Variants in SLCO1B3 observed in about 807,000 individuals in gnomAD.
The protein encoded by SLCO1B3 is solute carrier organic anion transporter family member 1B3.
In SLCO1B3, 72 loss-of-function variants were observed where a neutral mutation model predicts 71.8. The observed-to-expected ratio is 1.00, with a 90% confidence interval of 0.83 to 1.22. The LOEUF (loss-of-function observed/expected upper bound fraction) is 1.22. Among genes scored for constraint, SLCO1B3 ranks in the 50% most tolerant of loss-of-function variants. The pLI is 0.00. For synonymous variants in SLCO1B3, 298 were observed against 278.4 expected (o/e 1.07, Z -0.70); for missense variants, 911 against 819.7 (o/e 1.11, Z -1.36).
At chr12:20,830,606 G>A (rs1409633895) in intron 3 of SLCO1B3, among the ~76,000 whole-genome samples, 3 of 152,094 alleles carry the variant, frequency 2.0e-5, no homozygotes, top group South Asian at 2.1e-4. Context: ...AGAAAAAGCC[G>A]CTTTTGGTGA....
chr12:20,827,628 G>A (rs966712698), intron 3 of SLCO1B3, among the ~76,000 whole-genome samples: 5 of 151,882 alleles, frequency 3.3e-5, no homozygotes, highest in African/African-American at 9.7e-5. Context: ...CTGGAGTGCA[G>A]TGGCATGATC....
intron 8 of SLCO1B3, among the ~76,000 whole-genome samples, chr12:20,866,237 G>A (rs113343598): frequency 5.3e-5 from 8 of 152,186 alleles, no homozygotes; most frequent in African/African-American, 1.9e-4. Flanking sequence ...GAGCTCTGCA[G>A]CTGGCCACTG....
rs116104424 is a variant in SLCO1B3 at position 20,915,740 on chromosome 12, G to T, written c.1866-264G>T. Among the ~76,000 whole-genome samples the T allele has an allele frequency of 3.2e-3, 483 of 152,234 alleles. 6 individuals carry two copies. The highest frequency in any genetic ancestry group is 0.011 in the African/African-American group (465 of 41,552). ...CCTTAGGTAGAATGAGATGGCTTGA[G>T]GGGGCTGGAGTTATGTATTTTCCTC... On this transcript the variant is annotated intron_variant, in intron 15 of 15. Transcript: ENST00000381545.
chr12:20,813,687 A>G (rs1482156507), intron 2 of SLCO1B3, 49 bp downstream of exon 2: 3 of 152,178 alleles, frequency 2.0e-5, no homozygotes, highest in African/African-American at 2.4e-5. Context: ...CACTAATTCA[A>G]TGTTAATGAA....
intron 15 of SLCO1B3, chr12:20,901,873 A>T (rs970310959): frequency 2.3e-6 from 1 of 435,880 alleles, no homozygotes; most frequent in African/African-American, 2.1e-5. Context: ...ATGGAAAAAC[A>T]AAGTTTCATT....
chr12:20,886,042 T>G (rs1030204753), intron 13 of SLCO1B3, among the ~76,000 whole-genome samples: 1 of 152,094 alleles, frequency 6.6e-6, no homozygotes, highest in African/African-American at 2.4e-5. Context: ...GCTTCATTCT[T>G]TGTTTTGTTT....
intron 3 of SLCO1B3, among the ~76,000 whole-genome samples, chr12:20,851,055 T>C (rs940762485): frequency 3.9e-5 from 6 of 152,216 alleles, no homozygotes; most frequent in Non-Finnish European, 7.3e-5. Flanking sequence ...CATATTTTAT[T>C]TATCTATTCA....
intron 8 of SLCO1B3, among the ~76,000 whole-genome samples, chr12:20,868,213 C>T (rs1263681169): frequency 6.6e-6 from 1 of 152,162 alleles, no homozygotes; most frequent in African/African-American, 2.4e-5. Context: ...AACATCCCTT[C>T]ATAATAAAAG....
At chr12:20,878,959 A>G (rs1406971283) in intron 10 of SLCO1B3, among the ~76,000 whole-genome samples, 1 of 152,154 alleles carries the variant, frequency 6.6e-6, no homozygotes, top group Non-Finnish European at 1.5e-5. Flanking sequence ...TGAGAAATGT[A>G]TAAAGGATTT....
chr12:20,826,681 G>GAA (rs59247806), intron 3 of SLCO1B3, among the ~76,000 whole-genome samples: 21 of 148,690 alleles, frequency 1.4e-4, no homozygotes, highest in Admixed American at 2.7e-4. Flanking sequence ...AGTCATTTTA[G>GAA]AAAAAAAAAA....
intron 8 of SLCO1B3, among the ~76,000 whole-genome samples, chr12:20,869,300 C>G (rs1865434405): frequency 6.6e-6 from 1 of 152,228 alleles, no homozygotes. Context: ...GTGGGCATAA[C>G]AGAAGGCTCG....
intron 8 of SLCO1B3, among the ~76,000 whole-genome samples, chr12:20,873,395 TA>T (rs1264897787): frequency 5.3e-5 from 8 of 152,116 alleles, no homozygotes; most frequent in Non-Finnish European, 1.2e-4. Flanking sequence ...TGCACTAACC[TA>T]GGGGGCAGGA....
intron 15 of SLCO1B3, among the ~76,000 whole-genome samples, chr12:20,903,346 A>G (rs946204467): frequency 1.3e-5 from 2 of 152,218 alleles, no homozygotes; most frequent in African/African-American, 4.8e-5. Context: ...AGGTAAATGG[A>G]TAAGTAAACT....
chr12:20,902,820 G>A (rs1866155163), intron 15 of SLCO1B3, among the ~76,000 whole-genome samples: 1 of 152,032 alleles, frequency 6.6e-6, no homozygotes, highest in Non-Finnish European at 1.5e-5. Context: ...TGTAATCCTA[G>A]CACTTTGGGA....
chr12:20,905,921 C>A (rs1292234740), intron 15 of SLCO1B3, among the ~76,000 whole-genome samples: 1 of 152,076 alleles, frequency 6.6e-6, no homozygotes, highest in Non-Finnish European at 1.5e-5. Flanking sequence ...ATTAGTCTGC[C>A]TCAGAAAACT....
chr12:20,849,482 A>T (rs1864980063), intron 3 of SLCO1B3, among the ~76,000 whole-genome samples: 1 of 152,110 alleles, frequency 6.6e-6, no homozygotes, highest in Admixed American at 6.6e-5. Flanking sequence ...TTGTCCCTGT[A>T]ATTAAAAACA....
chr12:20,845,188 C>T (rs1319721528), intron 3 of SLCO1B3: 12 of 456,228 alleles, frequency 2.6e-5, no homozygotes, highest in Non-Finnish European at 5.3e-5. Flanking sequence ...AAGGTAGCCA[C>T]ATGGGAGAAG....
chr12:20,885,365 A>G (rs1260254080), intron 13 of SLCO1B3, among the ~76,000 whole-genome samples: 1 of 152,152 alleles, frequency 6.6e-6, no homozygotes, highest in African/African-American at 2.4e-5. Flanking sequence ...CCACAAATCC[A>G]TGCACTGAGG....
intron 3 of SLCO1B3, among the ~76,000 whole-genome samples, chr12:20,834,691 C>A (rs542685146): frequency 9.9e-5 from 15 of 152,124 alleles, no homozygotes; most frequent in Non-Finnish European, 2.1e-4. Context: ...CAGTCTTGGG[C>A]AGCTCCACTC....
Sources: gnomAD v4.1 joint callset for allele counts (sites outside exome capture counted in the v4.1 genomes callset) on GRCh38, gnomAD v4.1.1 for gene constraint, MANE v1.5 for transcripts, NCBI Gene and HGNC (gene_info 2026-07-23, HGNC 2026-07-21) for gene names.